GLOD4: variants seen among roughly 807,000 people sequenced by gnomAD.
GLOD4 encodes glyoxalase domain containing 4.
A neutral mutation model predicts 39.1 loss-of-function variants in GLOD4; 44 were observed. The observed-to-expected ratio is 1.13, with a 90% CI of 0.88 to 1.45. The LOEUF is 1.45. GLOD4 is among the 40% of genes most tolerant of loss of function. The pLI, the probability that GLOD4 is intolerant of heterozygous loss-of-function variation, is 0.00. For synonymous variants in GLOD4, 145 were observed against 135.0 expected, an observed-to-expected ratio of 1.07 and a Z score of -0.52; for missense variants, 405 against 366.4, an observed-to-expected ratio of 1.11 and a Z score of -0.86.
chr17:785,422 A>G (rs1400497464), upstream of GLOD4, among the ~76,000 whole-genome samples: 1 of 152,168 alleles, frequency 6.6e-6, no homozygotes, highest in Non-Finnish European at 1.5e-5. Context: ...TATAATGTAT[A>G]TATAATTTTA....
At position 770,453 on chromosome 17, in the gene GLOD4, CAA is replaced by C. The variant is rs780552852; in HGVS notation, c.596_597del (p.Phe199TrpfsTer50). 6.3e-7 allele frequency: 1 copy of C among 1,593,090 alleles called. No individual in the cohort carries two copies. Among genetic ancestry groups the C allele is most frequent in the Admixed American group, 1.7e-5 (1 of 60,008 alleles). On this transcript the variant is annotated frameshift_variant, in exon 6 of 9. Transcript: ENST00000301329. LOFTEE classifies it high-confidence loss of function. ...TGGGGGCAAGAGAAGGCAATTCTTC[CAA>C]AAGCTGCTGCATGGTCCACCCCACC... is the stretch of plus-strand genomic sequence containing the variant. The part of the protein sequence containing the change: ...VKGGVDHAAA[F>X]GRIAFSCPQK...
chr17:760,160 A>G lies in GLOD4; in HGVS notation c.*13T>C, dbSNP rs1905202692. ...CAGGAATCACAGAGGCTTGCTCTGC[A>G]TCATGTCTTCCGTTAACCTGAAGCT... On this transcript the variant is annotated 3_prime_UTR_variant, in exon 9 of 9. Coordinates refer to ENST00000301329, the MANE Select transcript of GLOD4 (RefSeq NM_016080.4). 5 of 1,531,352 alleles carry G rather than the reference A, an allele frequency of 3.3e-6. No homozygotes were observed. Among genetic ancestry groups the G allele is most frequent in the Middle Eastern group, 1.7e-4 (1 of 5,880 alleles). The allele number at this position is 1,531,352 out of a possible 1,614,324, so 94.9% of individuals were successfully genotyped here. A position where few individuals can be genotyped will look rare whatever the true frequency, so the allele number is the denominator to read the frequency against.
At chr17:782,536 C>G, upstream of GLOD4, 1 of 1,613,792 alleles carries the variant, frequency 6.2e-7, no homozygotes, top group South Asian at 1.1e-5. Context: ...CAGAAGCGCG[C>G]TCCTGGGAAG....
chr17:771,146 G>C, intron 5 of GLOD4, 179 bp downstream of exon 5: 1 of 469,604 alleles, frequency 2.1e-6, no homozygotes, highest in South Asian at 3.6e-5. Flanking sequence ...GGTAATATCT[G>C]GGTGGTAAGG....
chr17:776,762 C>T, intron 3 of GLOD4, 106 bp downstream of exon 3: 1 of 856,318 alleles, frequency 1.2e-6, no homozygotes, highest in Non-Finnish European at 2.0e-6. Flanking sequence ...TGAGTCTCTG[C>T]TCAAATGTTA....
chr17:780,763 A>AT (rs1909774820), intron 1 of GLOD4: 1 of 152,336 alleles, frequency 6.6e-6, no homozygotes, highest in African/African-American at 2.5e-5. Flanking sequence ...AAAAAAAAAA[A>AT]GTCAACTCGA....
At chr17:779,276 T>C (rs1241885265) in intron 1 of GLOD4, among the ~76,000 whole-genome samples, 2 of 126,480 alleles carry the variant, frequency 1.6e-5, no homozygotes, top group Non-Finnish European at 3.1e-5. Context: ...ATCGTGCCCC[T>C]GCACTACAGC....
intron 8 of GLOD4, among the ~76,000 whole-genome samples, chr17:761,055 G>T (rs146611165): frequency 6.6e-6 from 1 of 152,322 alleles, no homozygotes; most frequent in Admixed American, 6.5e-5. Context: ...AAAGAGCCAG[G>T]TACCACGCTG....
At chr17:781,450 AG>A (rs1909932846) in intron 1 of GLOD4, among the ~76,000 whole-genome samples, 1 of 152,228 alleles carries the variant, frequency 6.6e-6, no homozygotes, top group Non-Finnish European at 1.5e-5. Flanking sequence ...AACTCAACGT[AG>A]TACCCTGAAA....
chr17:770,105 G>C lies in GLOD4; in HGVS notation c.683C>G (p.Pro228Arg). 6.2e-7 allele frequency: 1 copy of C among 1,613,130 alleles called. No individual in the cohort carries two copies. The highest frequency in any genetic ancestry group is 1.7e-5 in the Admixed American group (1 of 59,988). The change falls in exon 7 of 9, where the codon CCC (proline) becomes CGC (arginine). Residue 228 changes from proline to arginine, a missense_variant. Coordinates refer to ENST00000301329, the MANE Select transcript of GLOD4 (RefSeq NM_016080.4). ...MKRENQKILT[P>R]LVSLDTPGKA... is the part of the protein sequence containing the mutation. Reference sequence around the variant, plus strand: ...CCCTGGGGTGTCCAGGCTCACCAGGGGAGTCAGAATCTTCTGGTTCTCCCT... The same window carrying C: ...CCCTGGGGTGTCCAGGCTCACCAGGCGAGTCAGAATCTTCTGGTTCTCCCT...
At chr17:775,093 T>C (rs1481197151) in intron 4 of GLOD4, among the ~76,000 whole-genome samples, 1 of 142,364 alleles carries the variant, frequency 7.0e-6, no homozygotes, top group African/African-American at 2.6e-5. Flanking sequence ...TTTTTAAAAG[T>C]TAATAAAAAT....
At position 770,466 on chromosome 17, in the gene GLOD4, A is replaced by G. The variant is rs754885801; in HGVS notation, c.585T>C (p.His195=). Residue 195 remains histidine, a synonymous_variant, in exon 6 of 9, where the codon CAT becomes CAC. Coordinates refer to ENST00000301329, the MANE Select transcript of GLOD4 (RefSeq NM_016080.4). ...ELQGVKGGVD[H]AAAFGRIAFS... ...AGGCAATTCTTCCAAAAGCTGCTGC[A>G]TGGTCCACCCCACCCTTGACGCCCT... is the stretch of plus-strand genomic sequence containing the variant. 6.3e-7 allele frequency: 1 copy of G among 1,596,664 alleles called. No individual in the cohort carries two copies. Among genetic ancestry groups the G allele is most frequent in the South Asian group, 1.1e-5 (1 of 90,774 alleles).
chr17:784,645 T>C (rs1332076538), upstream of GLOD4, among the ~76,000 whole-genome samples: 2 of 152,330 alleles, frequency 1.3e-5, no homozygotes, highest in South Asian at 2.1e-4. Context: ...CTTATCCTTA[T>C]GTTACTATAT....
At chr17:780,196 A>C (rs1909651267) in intron 1 of GLOD4, among the ~76,000 whole-genome samples, 1 of 152,152 alleles carries the variant, frequency 6.6e-6, no homozygotes, top group Non-Finnish European at 1.5e-5. Context: ...AAAAATAAAA[A>C]AATCCTTATT....
chr17:782,283 GCACCGTA>G, upstream of GLOD4: 1 of 1,611,612 alleles, frequency 6.2e-7, no homozygotes, highest in Non-Finnish European at 8.5e-7. Context: ...GCCGTCACGC[GCACCGTA>G]CAGCCCAGTC....
intron 8 of GLOD4, 89 bp from the exon 9 acceptor site, chr17:760,327 T>G (rs1419993111): frequency 1.5e-6 from 1 of 680,140 alleles, no homozygotes; most frequent in African/African-American, 1.8e-5. Flanking sequence ...CTGACCACAA[T>G]AAAAAAAATT....
rs563149354 is a variant in GLOD4 at position 775,734 on chromosome 17, T to C, written c.406+41A>G. Reference sequence around the variant, plus strand: ...GCCCTCACTCTCCTTTCACCAAAGATGCCTTTAGACAGAGGCTTTTACTGG... The same window carrying C: ...GCCCTCACTCTCCTTTCACCAAAGACGCCTTTAGACAGAGGCTTTTACTGG... On this transcript the variant is annotated intron_variant, in intron 4 of 8. Transcript: ENST00000301329. 23 of 1,552,146 alleles carry C rather than the reference T, an allele frequency of 1.5e-5. No individual in the cohort carries two copies. The South Asian group carries it at 2.6e-4, about 18-fold the overall frequency.
At chr17:778,551 G>A in intron 2 of GLOD4, 144 bp downstream of exon 2, 3 of 697,018 alleles carry the variant, frequency 4.3e-6, no homozygotes, top group Non-Finnish European at 5.3e-6. Flanking sequence ...AACAGTATGT[G>A]TTCCCGACGC....
chr17:780,460 T>C (rs1336975233), intron 1 of GLOD4, among the ~76,000 whole-genome samples: 1 of 152,228 alleles, frequency 6.6e-6, no homozygotes, highest in Non-Finnish European at 1.5e-5. Context: ...ACATGTGCCA[T>C]CTCCGCACTG....
Sources: gnomAD v4.1 joint callset for allele counts (sites outside exome capture counted in the v4.1 genomes callset) on GRCh38, gnomAD v4.1.1 for gene constraint, MANE v1.5 for transcripts, NCBI Gene and HGNC (gene_info 2026-07-23, HGNC 2026-07-21) for gene names.